Variants in PDZRN3 observed in about 807,000 individuals in gnomAD.
PDZRN3 encodes the protein PDZ domain containing ring finger 3.
A neutral mutation model predicts 85.7 loss-of-function variants in PDZRN3; 38 were observed. The observed-to-expected ratio is 0.44, with a 90% confidence interval of 0.34 to 0.58. The LOEUF is 0.58. PDZRN3 is among the 20% of genes least tolerant of loss of function. The probability of loss-of-function intolerance (pLI) is 0.01; values close to 1 mark genes in which losing one functional copy is unlikely to be tolerated. For missense variants in PDZRN3, 1,629 were observed against 1,506.4 expected (o/e 1.08, Z -1.35); for synonymous variants, 759 against 638.0 (o/e 1.19, Z -2.86).
chr3:73,560,817 G>T (rs1202043113), intron 3 of PDZRN3, among the ~76,000 whole-genome samples: 1 of 152,206 alleles, frequency 6.6e-6, no homozygotes, highest in Non-Finnish European at 1.5e-5. Flanking sequence ...AGGAGTAAAA[G>T]ATTTCTTAAT....
chr3:73,479,131 A>G (rs1379328126), intron 3 of PDZRN3, among the ~76,000 whole-genome samples: 1 of 152,142 alleles, frequency 6.6e-6, no homozygotes. Flanking sequence ...TTGAGCTTAG[A>G]CTGCTTGAAA....
intron 3 of PDZRN3, among the ~76,000 whole-genome samples, chr3:73,415,873 ATCATGT>A (rs1200528684): frequency 6.6e-6 from 1 of 151,842 alleles, no homozygotes; most frequent in African/African-American, 2.4e-5. Flanking sequence ...TAACATATCC[ATCATGT>A]TATAGTTACC....
At position 73,544,309 on chromosome 3, in the gene PDZRN3, C is replaced by T. The variant is rs1364188321; in HGVS notation, c.918+58045G>A. On this transcript the variant is annotated intron_variant, in intron 3 of 9. Coordinates refer to ENST00000263666, the MANE Select transcript of PDZRN3 (RefSeq NM_015009.3). ...TACTCCCATGTCCATTATTATATTA[C>T]ACAGATGAGACCATATTATACACAG... Among the ~76,000 whole-genome samples the T allele has an allele frequency of 2.6e-5, 4 of 152,218 alleles. 1 individual carries two copies. The highest frequency in any genetic ancestry group is 9.6e-5 in the African/African-American group (4 of 41,456).
At chr3:73,528,356 A>G (rs549887885) in intron 3 of PDZRN3, among the ~76,000 whole-genome samples, 1 of 152,274 alleles carries the variant, frequency 6.6e-6, no homozygotes, top group Non-Finnish European at 1.5e-5. Context: ...TTTCAATGGG[A>G]AGAATGGCCA....
At chr3:73,442,993 CCTT>C (rs969656156) in intron 3 of PDZRN3, among the ~76,000 whole-genome samples, 15 of 152,278 alleles carry the variant, frequency 9.9e-5, no homozygotes, top group African/African-American at 3.1e-4. Flanking sequence ...CTTTCTTCCT[CCTT>C]CACCTGAAGG....
At chr3:73,445,165 T>A (rs141066162) in intron 3 of PDZRN3, among the ~76,000 whole-genome samples, 174 of 152,340 alleles carry the variant, frequency 1.1e-3, no homozygotes, top group African/African-American at 4.0e-3. Flanking sequence ...TTGGTAGATC[T>A]CAGGTCAAAC....
intron 4 of PDZRN3, among the ~76,000 whole-genome samples, chr3:73,402,088 C>T (rs1430542947): frequency 3.3e-5 from 5 of 152,176 alleles, no homozygotes; most frequent in Non-Finnish European, 7.3e-5. Context: ...CCATTCAGTC[C>T]CGACACACGC....
intron 3 of PDZRN3, among the ~76,000 whole-genome samples, chr3:73,452,874 T>TGTGTGTGTGTGTGTGTGTGTG (rs71126871): frequency 4.0e-5 from 6 of 151,522 alleles, no homozygotes; most frequent in African/African-American, 9.7e-5. Context: ...TGTGTGTGTG[T>TGTGTGTGTGTGTGTGTGTGTG]TTTAAGTCCA....
At chr3:73,537,385 G>A (rs1323698442) in intron 3 of PDZRN3, among the ~76,000 whole-genome samples, 1 of 152,174 alleles carries the variant, frequency 6.6e-6, no homozygotes. Flanking sequence ...TGTTACGGTT[G>A]TTTGTTACAG....
chr3:73,584,838 T>C (rs895680087), intron 3 of PDZRN3, among the ~76,000 whole-genome samples: 2 of 152,180 alleles, frequency 1.3e-5, no homozygotes, highest in Non-Finnish European at 2.9e-5. Flanking sequence ...AGAGAGCTTA[T>C]CACTATCTTT....
At chr3:73,533,916 A>T (rs1704718505) in intron 3 of PDZRN3, among the ~76,000 whole-genome samples, 1 of 151,070 alleles carries the variant, frequency 6.6e-6, no homozygotes. Flanking sequence ...TGTAGTCCCT[A>T]CCCCCAATTC....
chr3:73,393,094 C>A (rs573497582), intron 5 of PDZRN3, among the ~76,000 whole-genome samples: 1 of 152,032 alleles, frequency 6.6e-6, no homozygotes, highest in Non-Finnish European at 1.5e-5. Context: ...CGAAATATCA[C>A]GACGGTTTAG....
chr3:73,614,705 A>G (rs2106912413), intron 1 of PDZRN3, among the ~76,000 whole-genome samples: 1 of 152,328 alleles, frequency 6.6e-6, no homozygotes, highest in East Asian at 1.9e-4. Context: ...TTCCAGGCAA[A>G]AATGTGCAGA....
At position 73,499,691 on chromosome 3, in the gene PDZRN3, G is replaced by A. The variant is rs62246107; in HGVS notation, c.919-95296C>T. ...AAAATGCCCAAAGCCTGAGGTGGTG[G>A]TGGTGGTTGGGTCTTCTGTTAGATT... On this transcript the variant is annotated intron_variant, in intron 3 of 9. Transcript: ENST00000263666. Among the ~76,000 whole-genome samples, 1,387 of 152,322 alleles carry A rather than the reference G, an allele frequency of 9.1e-3. 9 individuals are homozygous for A. The highest frequency in any genetic ancestry group is 0.017 in the Middle Eastern group (5 of 294).
rs557255029 is a variant in PDZRN3, at chr3:73,604,774, G to A, written c.811-2313C>T. On this transcript the variant is annotated intron_variant, in intron 2 of 9. Coordinates refer to ENST00000263666, the MANE Select transcript of PDZRN3 (RefSeq NM_015009.3). ...GATAGGGGATAGGATTTTGGCTTTC[G>A]TTTGTTTTGCAAAATACCACATTGC... Among the ~76,000 whole-genome samples, 6 of 152,272 alleles carry A rather than the reference G, an allele frequency of 3.9e-5. No individual in the cohort carries two copies. The East Asian group carries it at 7.7e-4, about 20-fold the overall frequency.
chr3:73,452,042 T>C (rs1702873185), intron 3 of PDZRN3, among the ~76,000 whole-genome samples: 1 of 152,162 alleles, frequency 6.6e-6, no homozygotes, highest in Non-Finnish European at 1.5e-5. Context: ...ACCTGCTATG[T>C]CTTTATGGGC....
At chr3:73,420,031 A>T (rs778706445) in intron 3 of PDZRN3, among the ~76,000 whole-genome samples, 2 of 152,212 alleles carry the variant, frequency 1.3e-5, no homozygotes, top group Non-Finnish European at 2.9e-5. Flanking sequence ...CTTTAGCTCC[A>T]GGAATATGTG....
chr3:73,383,791 G>A lies in PDZRN3; in HGVS notation c.2775C>T (p.Ile925=). ...SEPRMEWKVK[I]RSDGTRYITK... is the part of the protein sequence containing the mutation. Reference sequence around the variant, plus strand: ...TGATGTAGCGCGTCCCGTCGCTGCGGATCTTCACCTTCCACTCCATGCGCG... The same window carrying A: ...TGATGTAGCGCGTCCCGTCGCTGCGAATCTTCACCTTCCACTCCATGCGCG... Residue 925 remains isoleucine (I), a synonymous_variant, in exon 10 of 10, where the codon ATC becomes ATT. Coordinates refer to ENST00000263666, the MANE Select transcript of PDZRN3 (RefSeq NM_015009.3). The A allele has an allele frequency of 6.2e-7, 1 of 1,613,530 alleles. No individual in the cohort carries two copies. The highest frequency in any genetic ancestry group is 8.5e-7 in the Non-Finnish European group (1 of 1,179,990).
intron 3 of PDZRN3, among the ~76,000 whole-genome samples, chr3:73,451,316 T>G (rs1201570699): frequency 6.6e-6 from 1 of 152,204 alleles, no homozygotes; most frequent in East Asian, 1.9e-4. Flanking sequence ...AGTCAATATT[T>G]GTGTTGTTGG....
Sources: gnomAD v4.1 joint callset for allele counts (sites outside exome capture counted in the v4.1 genomes callset) on GRCh38, gnomAD v4.1.1 for gene constraint, MANE v1.5 for transcripts, NCBI Gene and HGNC (gene_info 2026-07-23, HGNC 2026-07-21) for gene names.